Variants in GRIK4 observed in about 807,000 individuals in gnomAD.
GRIK4 encodes the protein glutamate receptor ionotropic, kainate 4.
Under a neutral mutation model 104.9 loss-of-function variants are expected in GRIK4, and 40 were observed. That is an observed-to-expected ratio of 0.38 (90% CI 0.30 to 0.50). The LOEUF (loss-of-function observed/expected upper bound fraction) is 0.50, where lower values mean the gene tolerates loss of function less well. Ranked by LOEUF, GRIK4 falls within the 20% of genes least tolerant of loss-of-function variation. The probability of loss-of-function intolerance (pLI) is 0.93; values close to 1 mark genes in which losing one functional copy is unlikely to be tolerated. For missense variants in GRIK4, 1,047 were observed against 1,308.1 expected, an observed-to-expected ratio of 0.80 and a Z score of 3.08; for synonymous variants, 485 against 524.9, an observed-to-expected ratio of 0.92 and a Z score of 1.04.
At chr11:120,639,258 C>T (rs891626857) in intron 1 of GRIK4, among the ~76,000 whole-genome samples, 1 of 152,106 alleles carries the variant, frequency 6.6e-6, no homozygotes, top group African/African-American at 2.4e-5. Flanking sequence ...TGGTCAAAGC[C>T]TACAAAGCAC....
chr11:120,561,329 T>C (rs1236803572), intron 1 of GRIK4, among the ~76,000 whole-genome samples: 1 of 152,180 alleles, frequency 6.6e-6, no homozygotes, highest in Non-Finnish European at 1.5e-5. Context: ...TAGAAGATAT[T>C]TCTGCATCAA....
intron 13 of GRIK4, among the ~76,000 whole-genome samples, chr11:120,935,272 G>A (rs959260301): frequency 6.6e-6 from 1 of 152,202 alleles, no homozygotes. Context: ...AGTGACAAGA[G>A]TCAGGGCTGC....
intron 3 of GRIK4, among the ~76,000 whole-genome samples, chr11:120,676,244 C>T (rs10892605): frequency 0.16 from 23,678 of 152,088 alleles, 2,003 homozygotes; most frequent in South Asian, 0.23. Flanking sequence ...GAAAGGTTCT[C>T]CAATCTTAAG....
At chr11:120,517,127 G>A (rs1005849854) in intron 1 of GRIK4, among the ~76,000 whole-genome samples, 2 of 149,228 alleles carry the variant, frequency 1.3e-5, no homozygotes, top group African/African-American at 5.1e-5. Context: ...TGTCACCGCC[G>A]GGGACCGAGC....
At chr11:120,684,948 C>T (rs1950253421) in intron 3 of GRIK4, among the ~76,000 whole-genome samples, 1 of 152,218 alleles carries the variant, frequency 6.6e-6, no homozygotes, top group Non-Finnish European at 1.5e-5. Context: ...CCGCCTGCCT[C>T]AGCCTCCCAA....
intron 3 of GRIK4, among the ~76,000 whole-genome samples, chr11:120,776,504 C>T (rs1379906761): frequency 1.3e-5 from 2 of 152,218 alleles, no homozygotes; most frequent in African/African-American, 2.4e-5. Context: ...GGCAGGAGAT[C>T]ACTGGATGCT....
intron 3 of GRIK4, among the ~76,000 whole-genome samples, chr11:120,671,513 G>A (rs960126910): frequency 4.6e-5 from 7 of 152,060 alleles, no homozygotes; most frequent in South Asian, 2.1e-4. Context: ...TTTGTTGGCC[G>A]CGTAAATGTC....
chr11:120,757,268 G>A (rs77280066), intron 3 of GRIK4, among the ~76,000 whole-genome samples: 1 of 152,370 alleles, frequency 6.6e-6, no homozygotes, highest in African/African-American at 2.4e-5. Context: ...GCTGGGCCAG[G>A]ATACCTGCCT....
At chr11:120,779,821 A>T (rs116727415) in intron 3 of GRIK4, among the ~76,000 whole-genome samples, 2,255 of 152,338 alleles carry the variant, frequency 0.015, 18 homozygotes, top group Non-Finnish European at 0.021. Flanking sequence ...CACTTAGCAC[A>T]TGAAAGGTGA....
chr11:120,657,341 A>C (rs889809148), intron 2 of GRIK4, among the ~76,000 whole-genome samples: 1 of 152,210 alleles, frequency 6.6e-6, no homozygotes, highest in Non-Finnish European at 1.5e-5. Flanking sequence ...TGTTTGCTTT[A>C]ATCTATCCCT....
rs745443141 is a variant in GRIK4 at position 120,962,449 on chromosome 11, T to G, written c.2041-7T>G. 1 of 1,597,772 alleles carries G rather than the reference T, an allele frequency of 6.3e-7. No homozygotes were observed. Among genetic ancestry groups the G allele is most frequent in the South Asian group, 1.1e-5 (1 of 90,178 alleles). ...CCCAATCCTGCTTCCTTTTGTTCTT[T>G]TCCCAGAATTCCCGCTACCAGACCT... is the stretch of plus-strand genomic sequence containing the variant. On this transcript the variant is annotated splice_polypyrimidine_tract_variant and splice_region_variant and intron_variant, in intron 17 of 20. Coordinates refer to ENST00000527524, the MANE Select transcript of GRIK4 (RefSeq NM_014619.5).
intron 1 of GRIK4, among the ~76,000 whole-genome samples, chr11:120,585,725 G>GT (rs5795236): frequency 0.59 from 83,128 of 141,874 alleles, 27,435 homozygotes; most frequent in Non-Finnish European, 0.74. Flanking sequence ...TTTTGTTTTT[G>GT]TTTTTTTTTT....
At chr11:120,685,693 C>T (rs1196883515) in intron 3 of GRIK4, among the ~76,000 whole-genome samples, 1 of 152,134 alleles carries the variant, frequency 6.6e-6, no homozygotes, top group Admixed American at 6.6e-5. Flanking sequence ...TGGTCTTCCT[C>T]ATCTCATCCC....
intron 1 of GRIK4, among the ~76,000 whole-genome samples, chr11:120,633,831 A>G (rs901167376): frequency 2.0e-5 from 3 of 151,880 alleles, no homozygotes; most frequent in Non-Finnish European, 1.5e-5. Flanking sequence ...GGGCATGGAG[A>G]TTTTTTGAGA....
chr11:120,669,970 T>C (rs1299620694), intron 3 of GRIK4, among the ~76,000 whole-genome samples: 2 of 152,226 alleles, frequency 1.3e-5, no homozygotes, highest in Non-Finnish European at 2.9e-5. Context: ...AAAATCGAGT[T>C]ATTGATTCTC....
intron 3 of GRIK4, among the ~76,000 whole-genome samples, chr11:120,769,390 T>C (rs1465836899): frequency 1.3e-5 from 2 of 152,206 alleles, no homozygotes; most frequent in African/African-American, 4.8e-5. Context: ...ACTACAACTT[T>C]TAAACTTTGC....
intron 1 of GRIK4, among the ~76,000 whole-genome samples, chr11:120,526,233 A>G (rs977301957): frequency 2.6e-5 from 4 of 151,720 alleles, no homozygotes; most frequent in Non-Finnish European, 5.9e-5. Context: ...GGCAGGTCTC[A>G]CTCTGTCGCC....
intron 3 of GRIK4, among the ~76,000 whole-genome samples, chr11:120,666,288 G>A (rs1471265622): frequency 1.3e-5 from 2 of 152,344 alleles, no homozygotes; most frequent in Middle Eastern, 3.4e-3. Flanking sequence ...TTGCATAGAG[G>A]TGAGTGGTCA....
chr11:120,655,424 G>A (rs2135227997), intron 2 of GRIK4, among the ~76,000 whole-genome samples: 1 of 152,266 alleles, frequency 6.6e-6, no homozygotes, highest in East Asian at 1.9e-4. Flanking sequence ...GGTGAGCAAA[G>A]CCAGATCATG....
Sources: gnomAD v4.1 joint callset for allele counts (sites outside exome capture counted in the v4.1 genomes callset) on GRCh38, gnomAD v4.1.1 for gene constraint, MANE v1.5 for transcripts, NCBI Gene and HGNC (gene_info 2026-07-23, HGNC 2026-07-21) for gene names.